The following TEX26 variants were observed in gnomAD, a reference collection of about 807,000 sequenced individuals.
TEX26 encodes the protein testis-expressed protein 26.
Under a neutral mutation model 35.3 loss-of-function variants are expected in TEX26, and 34 were observed. The ratio of observed to expected loss-of-function variants is 0.96; its 90% CI spans 0.73 to 1.28. TEX26 has a LOEUF of 1.28. TEX26 is among the 50% of genes most tolerant of loss of function. The pLI is 0.00. For synonymous variants in TEX26, 136 were observed against 111.8 expected, an observed-to-expected ratio of 1.22 and a Z score of -1.36; for missense variants, 371 against 330.1, an observed-to-expected ratio of 1.12 and a Z score of -0.96.
At chr13:30,968,781 A>C in intron 5 of TEX26, 104 bp from the exon 6 acceptor site, 1 of 1,096,226 alleles carries the variant, frequency 9.1e-7, no homozygotes, top group Non-Finnish European at 1.3e-6. Context: ...CCTAAGCTCA[A>C]AGCTGGGCTG....
At chr13:30,942,983 G>A (rs185500079) in intron 2 of TEX26, among the ~76,000 whole-genome samples, 1 of 152,106 alleles carries the variant, frequency 6.6e-6, no homozygotes, top group Non-Finnish European at 1.5e-5. Context: ...CTCTCTTTTG[G>A]TTCTGTATGA....
At chr13:30,950,316 G>T (rs1953871436) in intron 2 of TEX26, among the ~76,000 whole-genome samples, 1 of 152,104 alleles carries the variant, frequency 6.6e-6, no homozygotes, top group African/African-American at 2.4e-5. Flanking sequence ...TGAGACAGGA[G>T]AATTGCTTGA....
chr13:30,963,060 CCT>C (rs1566162660), intron 4 of TEX26, among the ~76,000 whole-genome samples: 2 of 152,022 alleles, frequency 1.3e-5, no homozygotes, highest in East Asian at 3.9e-4. Context: ...AATCTCCCGA[CCT>C]CGTGATCCAC....
At chr13:30,955,443 A>G (rs1954091939) in intron 3 of TEX26, among the ~76,000 whole-genome samples, 1 of 152,214 alleles carries the variant, frequency 6.6e-6, no homozygotes. Flanking sequence ...TAGATAAATC[A>G]TAATTTTATG....
At chr13:30,945,961 C>A (rs1023045894) in intron 2 of TEX26, among the ~76,000 whole-genome samples, 3 of 151,838 alleles carry the variant, frequency 2.0e-5, no homozygotes, top group Admixed American at 6.6e-5. Context: ...ATGAATCTCC[C>A]AGGAGTTCTT....
chr13:30,947,182 T>C (rs1327036331), intron 2 of TEX26, among the ~76,000 whole-genome samples: 5 of 152,180 alleles, frequency 3.3e-5, no homozygotes, highest in Admixed American at 1.3e-4. Flanking sequence ...TTCATAATTA[T>C]GAAATACAAA....
In TEX26 at chr13:30,957,037, CT is replaced by C. The variant is rs1366637471; in HGVS notation, c.469+12del. ...TTGTGGACAGATCAAAAGGTAAACA[CT>C]TTTGTTTTTCTTTTTTTCCTGGGTC... On this transcript the variant is annotated intron_variant, in intron 4 of 6. Coordinates refer to ENST00000380473, the MANE Select transcript of TEX26 (RefSeq NM_152325.3). 2 of 1,611,236 alleles carry C rather than the reference CT, an allele frequency of 1.2e-6. No individual in the cohort carries two copies. Among genetic ancestry groups the C allele is most frequent in the Non-Finnish European group, 1.7e-6 (2 of 1,177,784 alleles).
At chr13:30,957,345 A>G (rs73453491) in intron 4 of TEX26, among the ~76,000 whole-genome samples, 7,561 of 152,034 alleles carry the variant, frequency 0.05, 619 homozygotes, top group African/African-American at 0.17. Flanking sequence ...AGGATTGAAG[A>G]CCTGCAGGAA....
At chr13:30,938,053 A>G (rs745308756) in intron 1 of TEX26, among the ~76,000 whole-genome samples, 1 of 152,212 alleles carries the variant, frequency 6.6e-6, no homozygotes, top group Non-Finnish European at 1.5e-5. Flanking sequence ...GGGAACAAAT[A>G]CAGGCAATGA....
intron 2 of TEX26, among the ~76,000 whole-genome samples, chr13:30,941,237 T>C (rs1341251320): frequency 6.6e-6 from 1 of 152,114 alleles, no homozygotes; most frequent in Non-Finnish European, 1.5e-5. Flanking sequence ...CCATAGTATG[T>C]GATAGATTTC....
At chr13:30,970,592 A>C (rs1954679873) in intron 6 of TEX26, among the ~76,000 whole-genome samples, 1 of 152,190 alleles carries the variant, frequency 6.6e-6, no homozygotes, top group Non-Finnish European at 1.5e-5. Context: ...TTTTACCTTT[A>C]GGATCCACAT....
At chr13:30,974,109 A>G in intron 6 of TEX26, among the ~76,000 whole-genome samples, 1 of 116,518 alleles carries the variant, frequency 8.6e-6, no homozygotes, top group Non-Finnish European at 1.8e-5. Context: ...CAATAGAGTG[A>G]GCCTCCATCT....
intron 1 of TEX26, among the ~76,000 whole-genome samples, chr13:30,936,431 T>C (rs1953274517): frequency 6.6e-6 from 1 of 152,204 alleles, no homozygotes; most frequent in Non-Finnish European, 1.5e-5. Flanking sequence ...CTCTGTAAAT[T>C]GTTTTACTTC....
intron 6 of TEX26, among the ~76,000 whole-genome samples, chr13:30,970,744 T>A (rs973017882): frequency 6.6e-6 from 1 of 152,200 alleles, no homozygotes; most frequent in African/African-American, 2.4e-5. Context: ...TGTCTCTTAC[T>A]GTGTGTCAGG....
At chr13:30,967,633 G>T (rs961107812) in intron 5 of TEX26, among the ~76,000 whole-genome samples, 1 of 152,142 alleles carries the variant, frequency 6.6e-6, no homozygotes, top group Non-Finnish European at 1.5e-5. Context: ...CACCAGTTTG[G>T]TTCCTCCATT....
Position 30,952,631 on chromosome 13 carries a change from A to G in TEX26, c.147-29A>G, listed in dbSNP as rs1373627751. The G allele has an allele frequency of 2.6e-6, 4 of 1,549,228 alleles. No homozygotes were observed. In the African/African-American group the frequency reaches 5.6e-5, roughly 22 times the overall value. On this transcript the variant is annotated intron_variant, in intron 2 of 6. Transcript: ENST00000380473. Reference sequence around the variant, plus strand: ...TGTGAGATTTGGTATTTAACCTCTAACTCTAATTTCTGCTGGGTTTTTTTA... The same window carrying G: ...TGTGAGATTTGGTATTTAACCTCTAGCTCTAATTTCTGCTGGGTTTTTTTA...
intron 2 of TEX26, among the ~76,000 whole-genome samples, chr13:30,944,913 T>C (rs1334993227): frequency 6.6e-6 from 1 of 152,068 alleles, no homozygotes; most frequent in Non-Finnish European, 1.5e-5. Context: ...AAAATGTATA[T>C]TCTGCAATTC....
chr13:30,968,265 A>AG (rs1262589127), intron 5 of TEX26, among the ~76,000 whole-genome samples: 13 of 152,178 alleles, frequency 8.5e-5, no homozygotes, highest in Non-Finnish European at 1.9e-4. Context: ...GGGGGAGAAG[A>AG]GGAGACCTGG....
intron 6 of TEX26, among the ~76,000 whole-genome samples, chr13:30,974,131 A>AAAATATAT: frequency 2.8e-3 from 236 of 84,404 alleles, no homozygotes; most frequent in South Asian, 3.8e-3. Context: ...AAAAAAAAAA[A>AAAATATAT]ATATATATAT....
Sources: gnomAD v4.1 joint callset for allele counts (sites outside exome capture counted in the v4.1 genomes callset) on GRCh38, gnomAD v4.1.1 for gene constraint, MANE v1.5 for transcripts, NCBI Gene and HGNC (gene_info 2026-07-23, HGNC 2026-07-21) for gene names.